Variants in TCF20 observed in about 807,000 individuals in gnomAD.
TCF20 encodes the protein SPRE-binding protein.
A neutral mutation model predicts 148.6 loss-of-function variants in TCF20; 3 were observed. That is an observed-to-expected ratio of 0.02 (90% CI 0.01 to 0.05). The LOEUF is 0.05. Ranked by LOEUF, TCF20 falls within the 10% of genes least tolerant of loss-of-function variation. The pLI is 1.00. For synonymous variants in TCF20, 1,049 were observed against 909.5 expected, an observed-to-expected ratio of 1.15 and a Z score of -2.76; for missense variants, 2,350 against 2,429.3, an observed-to-expected ratio of 0.97 and a Z score of 0.69.
intron 1 of TCF20, among the ~76,000 whole-genome samples, chr22:42,253,731 T>C (rs1297993559): frequency 6.6e-6 from 1 of 152,116 alleles, no homozygotes; most frequent in African/African-American, 2.4e-5. Flanking sequence ...TAAAAACAAG[T>C]AATAAATTTA....
chr22:42,284,231 AGT>A (rs1926980715), upstream of TCF20, among the ~76,000 whole-genome samples: 1 of 152,166 alleles, frequency 6.6e-6, no homozygotes, highest in African/African-American at 2.4e-5. Flanking sequence ...TCATCTGAAG[AGT>A]ATGTCTTATC....
chr22:42,180,687 C>A (rs949088051), intron 2 of TCF20, among the ~76,000 whole-genome samples: 2 of 152,200 alleles, frequency 1.3e-5, no homozygotes, highest in African/African-American at 4.8e-5. Context: ...ACTACACTAA[C>A]GCCAGCAACA....
chr22:42,187,516 C>T (rs1162717188), intron 2 of TCF20, among the ~76,000 whole-genome samples: 2 of 152,168 alleles, frequency 1.3e-5, no homozygotes, highest in Admixed American at 6.5e-5. Flanking sequence ...TGGTACAAAA[C>T]GCACAGAAAG....
chr22:42,245,619 T>C (rs1924841284), intron 1 of TCF20, among the ~76,000 whole-genome samples: 1 of 152,212 alleles, frequency 6.6e-6, no homozygotes, highest in South Asian at 2.1e-4. Context: ...AATTCATGTA[T>C]TCACCCTAAG....
At chr22:42,243,762 T>C (rs894094609) in intron 1 of TCF20, among the ~76,000 whole-genome samples, 22 of 152,206 alleles carry the variant, frequency 1.4e-4, no homozygotes, top group African/African-American at 5.3e-4. Flanking sequence ...AACTCTCTTA[T>C]TGCTCATTTT....
chr22:42,283,720 G>A (rs959781050), intron 1 of TCF20, among the ~76,000 whole-genome samples: 5 of 151,582 alleles, frequency 3.3e-5, no homozygotes, highest in Non-Finnish European at 5.9e-5. Context: ...CGCCCCCGGG[G>A]AGCCTCGGGC....
chr22:42,166,626 A>T (rs1251711046), intron 5 of TCF20, among the ~76,000 whole-genome samples: 1 of 151,514 alleles, frequency 6.6e-6, no homozygotes, highest in African/African-American at 2.4e-5. Context: ...AAAAAAAAAA[A>T]GAGTCAAGGG....
intron 1 of TCF20, among the ~76,000 whole-genome samples, chr22:42,322,096 C>T (rs984016697): frequency 6.6e-6 from 1 of 151,900 alleles, no homozygotes; most frequent in Non-Finnish European, 1.5e-5. Flanking sequence ...GCAGGTATTA[C>T]GGCTGCTGTT....
At chr22:42,222,755 C>A (rs1051773900) in intron 1 of TCF20, among the ~76,000 whole-genome samples, 6 of 152,200 alleles carry the variant, frequency 3.9e-5, no homozygotes, top group African/African-American at 1.4e-4. Context: ...CTCTACAAAT[C>A]TTCCTCTAAG....
chr22:42,251,589 G>A (rs981239927), intron 1 of TCF20, among the ~76,000 whole-genome samples: 6 of 122,438 alleles, frequency 4.9e-5, no homozygotes, highest in South Asian at 5.6e-4. Flanking sequence ...TGCAACCTCC[G>A]CCTCCCATGT....
intron 1 of TCF20, among the ~76,000 whole-genome samples, chr22:42,241,003 C>G (rs1924350472): frequency 6.6e-6 from 1 of 152,046 alleles, no homozygotes; most frequent in Non-Finnish European, 1.5e-5. Context: ...TTACAAGCAC[C>G]CGCCATCACG....
At chr22:42,271,641 T>C (rs1442184207), upstream of TCF20, among the ~76,000 whole-genome samples, 4 of 152,204 alleles carry the variant, frequency 2.6e-5, no homozygotes, top group Admixed American at 1.3e-4. Context: ...CTCCTCCCAC[T>C]TTGGGCCTCA....
chr22:42,298,318 G>T (rs898505991), intron 1 of TCF20, among the ~76,000 whole-genome samples: 2 of 152,220 alleles, frequency 1.3e-5, no homozygotes, highest in Non-Finnish European at 2.9e-5. Context: ...GGTGAAGGTG[G>T]GCACATGGGC....
Position 42,208,746 on chromosome 22 carries a change from G to A in TCF20, c.5655+905C>T, listed in dbSNP as rs370747299. 3.3e-5 allele frequency among the ~76,000 whole-genome samples: 5 copies of A among 152,096 alleles called. No homozygotes were observed. In the East Asian group the frequency reaches 5.8e-4, roughly 18 times the overall value. The stretch of plus-strand genomic sequence containing the variant: ...TAAAAACAGCGGATCAATCCAGGAG[G>A]TAAAATGCCTTATATTAACAGGAAT... On this transcript the variant is annotated intron_variant, in intron 2 of 5. Transcript: ENST00000677622.
intron 2 of TCF20, among the ~76,000 whole-genome samples, chr22:42,181,047 G>A (rs1936748397): frequency 6.6e-6 from 1 of 152,214 alleles, no homozygotes; most frequent in Non-Finnish European, 1.5e-5. Flanking sequence ...CCAAGGACAA[G>A]TTCACAGCAT....
chr22:42,197,670 C>A (rs907980152), intron 2 of TCF20, among the ~76,000 whole-genome samples: 1 of 152,108 alleles, frequency 6.6e-6, no homozygotes, highest in Admixed American at 6.5e-5. Context: ...TTTAGGGGCA[C>A]CCCTGAAGAA....
chr22:42,167,492 C>T (rs993650657), intron 5 of TCF20, among the ~76,000 whole-genome samples: 1 of 152,130 alleles, frequency 6.6e-6, no homozygotes. Context: ...CCTGCCCCAT[C>T]CTGTAGCAGC....
rs1032255492 is a variant in TCF20 at position 42,292,816 on chromosome 22, G to C, written c.-37+50663C>G. Among the ~76,000 whole-genome samples, 2 of 151,472 alleles carry C rather than the reference G, an allele frequency of 1.3e-5. No individual in the cohort carries two copies. Among genetic ancestry groups the C allele is most frequent in the Admixed American group, 1.3e-4 (2 of 15,170 alleles). The stretch of plus-strand genomic sequence containing the variant: ...GCCGAGCACTAGCCCAGGCCCAGGA[G>C]AATCTACTGAATGACCGGGTCTCAG... On this transcript the variant is annotated intron_variant, in intron 1 of 1. Transcript: ENST00000515426. This position sits in a 1 kb window ranked among gnomAD's most constrained non-coding sequence, Gnocchi z 4.9.
intron 1 of TCF20, among the ~76,000 whole-genome samples, chr22:42,217,404 G>A (rs1038282690): frequency 2.0e-5 from 3 of 152,112 alleles, no homozygotes; most frequent in Non-Finnish European, 4.4e-5. Flanking sequence ...CCTTTTCCCT[G>A]GCTGTAACTC....
Sources: allele counts gnomAD v4.1 joint callset (sites outside exome capture counted in the v4.1 genomes callset), GRCh38; gene constraint gnomAD v4.1.1; non-coding constraint Gnocchi (gnomAD v3.1); transcripts MANE v1.5; gene names NCBI Gene and HGNC (gene_info 2026-07-23, HGNC 2026-07-21).